KDM2B: variants seen among roughly 807,000 people sequenced by gnomAD.
KDM2B encodes lysine demethylase 2B, also known as lysine-specific demethylase 2B.
KDM2B carries 26 observed loss-of-function variants against 150.0 expected under a neutral mutation model. That is an observed-to-expected ratio of 0.17 (90% CI 0.13 to 0.24). The LOEUF is 0.24. KDM2B is among the 10% of genes least tolerant of loss of function. KDM2B has a pLI of 1.00. For missense variants in KDM2B, 1,265 were observed against 1,816.9 expected, an observed-to-expected ratio of 0.70 and a Z score of 5.52; for synonymous variants, 734 against 729.5, an observed-to-expected ratio of 1.01 and a Z score of -0.10.
the KDM2B span, chr12:121,423,259 C>G: frequency 1.6e-6 from 1 of 632,306 alleles, no homozygotes; most frequent in Non-Finnish European, 2.7e-6. This position sits in a 1 kb window ranked among gnomAD's most constrained non-coding sequence, Gnocchi z 4.3. Flanking sequence ...ATTTCTTGTA[C>G]AACACTGGGG....
Position 121,549,064 on chromosome 12 carries a change from G to A in KDM2B, c.577-81C>T. ...ATACCCCTTTCCCCGGAGAGTCCTT[G>A]GGCCCCCCCGCTCCCCCAATCTACT... is the stretch of plus-strand genomic sequence containing the variant. On this transcript the variant is annotated intron_variant, in intron 5 of 22. Coordinates refer to ENST00000377071, the MANE Select transcript of KDM2B (RefSeq NM_032590.5). This position sits in a 1 kb window ranked among gnomAD's most constrained non-coding sequence, Gnocchi z 4.4. 8.5e-7 allele frequency: 1 copy of A among 1,169,672 alleles called. No homozygotes were observed. Among genetic ancestry groups the A allele is most frequent in the Non-Finnish European group, 1.3e-6 (1 of 795,004 alleles). The allele number at this position is 1,169,672 out of a possible 1,614,324, so 72.5% of individuals were successfully genotyped here.
chr12:121,467,129 C>G lies in KDM2B; in HGVS notation c.1735-13785G>C. 1 of 1,117,058 alleles carries G rather than the reference C, an allele frequency of 9.0e-7. No homozygotes were observed. The highest frequency in any genetic ancestry group is 1.1e-6 in the Non-Finnish European group (1 of 895,780). 69.2% of individuals were successfully genotyped at this position (1,117,058 alleles called of 1,614,324 possible). On this transcript the variant is annotated intron_variant, in intron 12 of 22. Coordinates refer to ENST00000377071, the MANE Select transcript of KDM2B (RefSeq NM_032590.5). This position sits in a 1 kb window ranked among gnomAD's most constrained non-coding sequence, Gnocchi z 5.1. Reference sequence around the variant, plus strand: ...GGTCGGGAGGTCGTGCGGCGGGTCCCTCCCTCAGCCCCACCCCGGGCCGCC... The same window carrying G: ...GGTCGGGAGGTCGTGCGGCGGGTCCGTCCCTCAGCCCCACCCCGGGCCGCC...
At chr12:121,413,415 C>CTTTTTTTTTTTTTT in the KDM2B span, among the ~76,000 whole-genome samples, 7 of 130,692 alleles carry the variant, frequency 5.4e-5, no homozygotes, top group African/African-American at 1.6e-4. Flanking sequence ...TTTACCTGTC[C>CTTTTTTTTTTTTTT]TTTTTTTTTT....
the KDM2B span, among the ~76,000 whole-genome samples, chr12:121,411,379 AATCCATC>A: frequency 1.3e-5 from 2 of 152,334 alleles, no homozygotes; most frequent in African/African-American, 4.8e-5. Flanking sequence ...CTACACAGAG[AATCCATC>A]TGTTTTCCCA....
chr12:121,553,500 G>T (rs1889672155), intron 4 of KDM2B, among the ~76,000 whole-genome samples: 1 of 152,188 alleles, frequency 6.6e-6, no homozygotes. Context: ...TCCCAGCGGA[G>T]CCTCCAGCCT....
At chr12:121,546,236 G>C (rs182544345) in intron 6 of KDM2B, among the ~76,000 whole-genome samples, 17 of 152,252 alleles carry the variant, frequency 1.1e-4, no homozygotes, top group South Asian at 4.1e-4. Context: ...ATGAATGAAT[G>C]AATCAATCAA....
intron 12 of KDM2B, among the ~76,000 whole-genome samples, chr12:121,493,310 A>G (rs1555300266): frequency 6.6e-6 from 1 of 152,032 alleles, no homozygotes; most frequent in Non-Finnish European, 1.5e-5. Flanking sequence ...AGAGTGCACT[A>G]ACCTCAGGTC....
rs781836285 is a variant in KDM2B, at chr12:121,532,873, C to T, written c.864G>A (p.Leu288=). ...VLSGKQSDIF[L]GDRVERCQRI... ...TTTGGCATCGTTCCACACGGTCTCC[C>T]AGAAAGATGTCACTCTGTTTGCCTG... The change falls in exon 8 of 23, where the codon CTG becomes CTA. Residue 288 remains leucine (L), a synonymous_variant. Coordinates refer to ENST00000377071, the MANE Select transcript of KDM2B (RefSeq NM_032590.5). 6.2e-7 allele frequency: 1 copy of T among 1,614,216 alleles called. No individual in the cohort carries two copies. Among genetic ancestry groups the T allele is most frequent in the Admixed American group, 1.7e-5 (1 of 60,028 alleles).
intron 4 of KDM2B, among the ~76,000 whole-genome samples, chr12:121,553,750 C>T (rs1409352124): frequency 3.9e-5 from 6 of 152,138 alleles, no homozygotes; most frequent in East Asian, 1.9e-4. Context: ...CCAGTTAAAT[C>T]GTTGCTGGCC....
intron 12 of KDM2B, among the ~76,000 whole-genome samples, chr12:121,456,553 G>A (rs1878270405): frequency 1.3e-5 from 2 of 152,164 alleles, no homozygotes; most frequent in South Asian, 2.1e-4. Flanking sequence ...GAGCTGGAGA[G>A]TCTAAAGACG....
At chr12:121,447,577 G>A (rs917011166) in intron 13 of KDM2B, among the ~76,000 whole-genome samples, 29 of 151,976 alleles carry the variant, frequency 1.9e-4, no homozygotes, top group Non-Finnish European at 4.0e-4. Flanking sequence ...AGACATAACA[G>A]AGATTTACAA....
chr12:121,437,315 A>T (rs1448080942), intron 22 of KDM2B, among the ~76,000 whole-genome samples: 4 of 152,172 alleles, frequency 2.6e-5, no homozygotes, highest in African/African-American at 9.7e-5. Context: ...AAGAAAATGT[A>T]CTCATAATAC....
intron 4 of KDM2B, among the ~76,000 whole-genome samples, chr12:121,567,176 C>G (rs782670626): frequency 1.3e-5 from 2 of 151,940 alleles, no homozygotes; most frequent in Non-Finnish European, 2.9e-5. Context: ...CATGAGCCAC[C>G]GCCCCCCACC....
At chr12:121,458,040 C>T (rs1339385383) in intron 12 of KDM2B, among the ~76,000 whole-genome samples, 1 of 152,122 alleles carries the variant, frequency 6.6e-6, no homozygotes, top group East Asian at 1.9e-4. Context: ...TTGTTAAGAT[C>T]GGTTATACTC....
At chr12:121,463,423 A>T (rs1879390782) in intron 12 of KDM2B, among the ~76,000 whole-genome samples, 1 of 152,240 alleles carries the variant, frequency 6.6e-6, no homozygotes, top group Non-Finnish European at 1.5e-5. Flanking sequence ...ATACCTATAT[A>T]ACAAGCCTGC....
At chr12:121,414,922 C>G in the KDM2B span, among the ~76,000 whole-genome samples, 1 of 152,198 alleles carries the variant, frequency 6.6e-6, no homozygotes, top group Non-Finnish European at 1.5e-5. Flanking sequence ...TGGTGAAACC[C>G]TGTGTCTACC....
chr12:121,434,972 G>A (rs1327341675), intron 22 of KDM2B, among the ~76,000 whole-genome samples: 2 of 148,272 alleles, frequency 1.3e-5, no homozygotes, highest in Non-Finnish European at 3.0e-5. Context: ...AAGAAAATGG[G>A]AAATTTTTCA....
At chr12:121,460,651 G>A (rs545467933) in intron 12 of KDM2B, among the ~76,000 whole-genome samples, 5 of 152,152 alleles carry the variant, frequency 3.3e-5, no homozygotes, top group East Asian at 1.9e-4. Context: ...CAAGTGACCC[G>A]ACCGACTTGG....
chr12:121,436,048 G>A (rs571981707), intron 22 of KDM2B, among the ~76,000 whole-genome samples: 1 of 152,196 alleles, frequency 6.6e-6, no homozygotes, highest in Non-Finnish European at 1.5e-5. Flanking sequence ...TCCTCAGGTA[G>A]GAAAGTTATC....
Sources: gnomAD v4.1 joint callset for allele counts (sites outside exome capture counted in the v4.1 genomes callset) on GRCh38, gnomAD v4.1.1 for gene constraint, Gnocchi (gnomAD v3.1) non-coding constraint, MANE v1.5 for transcripts, NCBI Gene and HGNC (gene_info 2026-07-23, HGNC 2026-07-21) for gene names.